ADCY1: variants seen among roughly 807,000 people sequenced by gnomAD.
The protein encoded by ADCY1 is adenylate cyclase type 1.
In ADCY1, 28 loss-of-function variants were observed where a neutral mutation model predicts 105.4. The observed-to-expected ratio is 0.27, with a 90% CI of 0.20 to 0.36. ADCY1 has a LOEUF of 0.36. ADCY1 is among the 10% of genes least tolerant of loss of function. The probability of loss-of-function intolerance (pLI) is 1.00; values close to 1 mark genes in which losing one functional copy is unlikely to be tolerated. For missense variants in ADCY1, 977 were observed against 1,434.2 expected (o/e 0.68, Z 5.15); for synonymous variants, 655 against 623.8 (o/e 1.05, Z -0.75).
At position 45,708,107 on chromosome 7, in the gene ADCY1, C is replaced by T. The variant is rs547947208; in HGVS notation, c.2818-243C>T. 1.3e-5 allele frequency among the ~76,000 whole-genome samples: 2 copies of T among 152,332 alleles called. No individual in the cohort carries two copies. The highest frequency in any genetic ancestry group is 3.9e-4 in the East Asian group (2 of 5,174). On this transcript the variant is annotated intron_variant, in intron 17 of 19. Transcript: ENST00000297323. This position sits in a 1 kb window ranked among gnomAD's most constrained non-coding sequence, Gnocchi z 4.7. The stretch of plus-strand genomic sequence containing the variant: ...CTCCCACTCAAAAGGGCTGCCCTGC[C>T]CTATTCCTGCAGGCAGCCTTGGGTG...
At chr7:45,584,340 C>T (rs569403935) in intron 1 of ADCY1, among the ~76,000 whole-genome samples, 18 of 152,250 alleles carry the variant, frequency 1.2e-4, no homozygotes, top group East Asian at 3.9e-4. Context: ...CTGGGAGCAT[C>T]GATGCTTCCG....
rs1263362517 is a variant in ADCY1, at chr7:45,577,376, G to T, written c.639+2194G>T. On this transcript the variant is annotated intron_variant, in intron 1 of 19. Coordinates refer to ENST00000297323, the MANE Select transcript of ADCY1 (RefSeq NM_021116.4). Reference sequence around the variant, plus strand: ...GATCAATGCAGGGAGACTTACAGTGGGGGGAGCAGGGCAGATGATTCCCAG... The same window carrying T: ...GATCAATGCAGGGAGACTTACAGTGTGGGGAGCAGGGCAGATGATTCCCAG... Among the ~76,000 whole-genome samples, 9 of 152,304 alleles carry T rather than the reference G, an allele frequency of 5.9e-5. No homozygotes were observed. In the East Asian group the frequency reaches 1.3e-3, roughly 23 times the overall value.
intron 11 of ADCY1, chr7:45,684,767 C>A: frequency 2.1e-6 from 1 of 465,718 alleles, no homozygotes; most frequent in Non-Finnish European, 3.8e-6. Context: ...AATTTAAAGA[C>A]TTCAGGTTTC....
At chr7:45,606,278 G>A (rs1562684465) in intron 2 of ADCY1, among the ~76,000 whole-genome samples, 2 of 152,076 alleles carry the variant, frequency 1.3e-5, no homozygotes, top group Non-Finnish European at 2.9e-5. Context: ...CACAGCCTGG[G>A]GTGGGGGTGG....
At chr7:45,608,596 G>A (rs993181731) in intron 2 of ADCY1, among the ~76,000 whole-genome samples, 9 of 152,242 alleles carry the variant, frequency 5.9e-5, no homozygotes, top group East Asian at 3.8e-4. Flanking sequence ...GCTGGGGGCC[G>A]TGTGCGGGAA....
chr7:45,636,282 C>T (rs148655530), intron 4 of ADCY1, among the ~76,000 whole-genome samples: 13 of 152,322 alleles, frequency 8.5e-5, no homozygotes, highest in Non-Finnish European at 1.5e-4. Context: ...AACCTTTATA[C>T]ACATCCTCCT....
At chr7:45,621,232 A>G (rs1297181776) in intron 3 of ADCY1, among the ~76,000 whole-genome samples, 2 of 151,904 alleles carry the variant, frequency 1.3e-5, no homozygotes, top group Non-Finnish European at 2.9e-5. Flanking sequence ...CACCTGGCTA[A>G]TTTATGTATT....
chr7:45,578,406 C>T (rs10951823), intron 1 of ADCY1, among the ~76,000 whole-genome samples: 68,141 of 151,988 alleles, frequency 0.45, 15,762 homozygotes, highest in East Asian at 0.7. Flanking sequence ...GACATACAAT[C>T]CATTTTTATT....
intron 4 of ADCY1, among the ~76,000 whole-genome samples, chr7:45,638,225 A>G (rs933909965): frequency 6.6e-6 from 1 of 152,142 alleles, no homozygotes; most frequent in African/African-American, 2.4e-5. Context: ...TTCCACATGT[A>G]TTAGGGAGTT....
At chr7:45,595,855 C>T (rs779875168) in intron 2 of ADCY1, among the ~76,000 whole-genome samples, 24 of 152,338 alleles carry the variant, frequency 1.6e-4, no homozygotes, top group Non-Finnish European at 1.2e-4. Flanking sequence ...TTTTTTCTGT[C>T]GATTCCCTTT....
chr7:45,659,340 G>A (rs1318690526), intron 6 of ADCY1, among the ~76,000 whole-genome samples: 1 of 152,248 alleles, frequency 6.6e-6, no homozygotes, highest in Non-Finnish European at 1.5e-5. Flanking sequence ...GTTGTGCGGT[G>A]AAGTGAAGAA....
intron 1 of ADCY1, among the ~76,000 whole-genome samples, chr7:45,583,937 G>GT (rs869216986): frequency 0.067 from 3,792 of 56,772 alleles, 624 homozygotes; most frequent in Non-Finnish European, 0.079. Context: ...ACTGTGCCCT[G>GT]TTTTTTTTTT....
intron 19 of ADCY1, among the ~76,000 whole-genome samples, chr7:45,711,688 C>T (rs1584348711): frequency 7.2e-6 from 1 of 139,382 alleles, no homozygotes; most frequent in Non-Finnish European, 1.5e-5. Flanking sequence ...TATATACACA[C>T]ACATATATGT....
intron 4 of ADCY1, among the ~76,000 whole-genome samples, chr7:45,646,068 G>A (rs1237311175): frequency 6.6e-6 from 1 of 152,084 alleles, no homozygotes; most frequent in East Asian, 1.9e-4. Context: ...GGCAAGCCCT[G>A]TGCATTCAGG....
At position 45,659,771 on chromosome 7, in the gene ADCY1, CTT is replaced by C. The variant is rs113253970; in HGVS notation, c.1308-270_1308-269del. Among the ~76,000 whole-genome samples the C allele has an allele frequency of 0.14, 21,237 of 152,174 alleles. 1,553 individuals carry two copies. The highest frequency in any genetic ancestry group is 0.17 in the Middle Eastern group (50 of 292). On this transcript the variant is annotated intron_variant, in intron 6 of 19. Transcript: ENST00000297323. Reference sequence around the variant, plus strand: ...CCTGATGTATTCTTTCTCTCTCTCTCTTGGTTCCTCTGCTCTCCCTCTGGCCC... The same window carrying C: ...CCTGATGTATTCTTTCTCTCTCTCTCGGTTCCTCTGCTCTCCCTCTGGCCC...
chr7:45,698,574 G>A (rs745458401), intron 14 of ADCY1, among the ~76,000 whole-genome samples: 1 of 152,184 alleles, frequency 6.6e-6, no homozygotes, highest in Admixed American at 6.5e-5. Context: ...CTGAAGTGCT[G>A]AGTTGGGTGC....
chr7:45,650,649 G>A (rs1200765320), intron 5 of ADCY1, among the ~76,000 whole-genome samples: 2 of 152,150 alleles, frequency 1.3e-5, no homozygotes, highest in Non-Finnish European at 2.9e-5. Flanking sequence ...AGAGGGGTCT[G>A]CTGCTTATTC....
At position 45,714,344 on chromosome 7, in the gene ADCY1, A is replaced by G; in HGVS notation, c.*349A>G. The G allele has an allele frequency of 3.5e-6, 1 of 282,898 alleles. No individual in the cohort carries two copies. The allele number at this position is 282,898 out of a possible 1,614,324, so 17.5% of individuals were successfully genotyped here. On this transcript the variant is annotated 3_prime_UTR_variant, in exon 20 of 20. Coordinates refer to ENST00000297323, the MANE Select transcript of ADCY1 (RefSeq NM_021116.4). ...TCGGCATCAATGTAAGGACCTTCAG[A>G]GCATCCCAGGGTTACAGCAAGAGCC...
At chr7:45,687,005 G>C (rs1040929443) in intron 14 of ADCY1, among the ~76,000 whole-genome samples, 1 of 152,194 alleles carries the variant, frequency 6.6e-6, no homozygotes, top group Non-Finnish European at 1.5e-5. Flanking sequence ...GTGCAGAGGG[G>C]CTCAGCCTCT....
Sources: gnomAD v4.1 joint callset for allele counts (sites outside exome capture counted in the v4.1 genomes callset) on GRCh38, gnomAD v4.1.1 for gene constraint, Gnocchi (gnomAD v3.1) non-coding constraint, MANE v1.5 for transcripts, NCBI Gene and HGNC (gene_info 2026-07-23, HGNC 2026-07-21) for gene names.